TSPAN5: variants seen among roughly 807,000 people sequenced by gnomAD.
TSPAN5 encodes the protein tetraspanin-5.
TSPAN5 carries 10 observed loss-of-function variants against 37.1 expected under a neutral mutation model. The observed-to-expected ratio is 0.27, with a 90% CI of 0.17 to 0.46. The LOEUF is 0.46. Among genes scored for constraint, TSPAN5 ranks in the 20% least tolerant of loss-of-function variants. The pLI is 1.00. For missense variants in TSPAN5, 195 were observed against 326.6 expected (o/e 0.60, Z 3.11); for synonymous variants, 110 against 118.9 (o/e 0.93, Z 0.48).
chr4:98,631,173 G>T (rs1756737215), intron 1 of TSPAN5, among the ~76,000 whole-genome samples: 1 of 152,086 alleles, frequency 6.6e-6, no homozygotes, highest in South Asian at 2.1e-4. Context: ...TTGCTGAATC[G>T]CTCGACTGGC....
At chr4:98,557,353 C>A (rs576077388) in intron 1 of TSPAN5, among the ~76,000 whole-genome samples, 9 of 152,084 alleles carry the variant, frequency 5.9e-5, no homozygotes, top group African/African-American at 1.7e-4. Context: ...GCACTTCTGG[C>A]GTGCTACTAA....
chr4:98,611,949 C>G (rs1171770293), intron 1 of TSPAN5, among the ~76,000 whole-genome samples: 1 of 152,248 alleles, frequency 6.6e-6, no homozygotes, highest in Non-Finnish European at 1.5e-5. Context: ...GCCAGGAGCC[C>G]TTGTGTAGGG....
chr4:98,647,107 A>C (rs1396393532), intron 1 of TSPAN5, among the ~76,000 whole-genome samples: 1 of 152,122 alleles, frequency 6.6e-6, no homozygotes, highest in Non-Finnish European at 1.5e-5. Flanking sequence ...CTGCCCTCCC[A>C]CCACAAGGGT....
At chr4:98,571,094 T>A (rs1755108148) in intron 1 of TSPAN5, among the ~76,000 whole-genome samples, 1 of 152,176 alleles carries the variant, frequency 6.6e-6, no homozygotes, top group African/African-American at 2.4e-5. Context: ...TTCCTCATTC[T>A]AGCAAGTTCT....
intron 1 of TSPAN5, among the ~76,000 whole-genome samples, chr4:98,618,883 CA>C (rs1368088633): frequency 6.6e-6 from 1 of 152,176 alleles, no homozygotes; most frequent in Non-Finnish European, 1.5e-5. Flanking sequence ...AGCTGTAAAG[CA>C]GCTGTGCAGA....
intron 1 of TSPAN5, among the ~76,000 whole-genome samples, chr4:98,565,099 A>G (rs1465506422): frequency 1.3e-5 from 2 of 152,186 alleles, no homozygotes; most frequent in Admixed American, 1.3e-4. Flanking sequence ...CCTACTTCTC[A>G]TGAACCTTGG....
chr4:98,584,033 G>A (rs1755429106), intron 1 of TSPAN5, among the ~76,000 whole-genome samples: 1 of 152,122 alleles, frequency 6.6e-6, no homozygotes, highest in Non-Finnish European at 1.5e-5. Flanking sequence ...AAGGCCAGGG[G>A]ACCCTACTAT....
chr4:98,625,445 G>A (rs1251489043), intron 1 of TSPAN5, among the ~76,000 whole-genome samples: 2 of 152,160 alleles, frequency 1.3e-5, no homozygotes, highest in African/African-American at 4.8e-5. Context: ...GTTAATCAAG[G>A]TAAGACTTAT....
At chr4:98,612,828 C>A (rs542323421) in intron 1 of TSPAN5, among the ~76,000 whole-genome samples, 4 of 152,230 alleles carry the variant, frequency 2.6e-5, no homozygotes, top group South Asian at 2.1e-4. Flanking sequence ...CCTCCCTCCC[C>A]CCACAGGGCT....
chr4:98,615,786 C>T (rs372381385), intron 1 of TSPAN5, among the ~76,000 whole-genome samples: 5 of 152,264 alleles, frequency 3.3e-5, no homozygotes, highest in African/African-American at 1.2e-4. Context: ...GAATTTCAGA[C>T]ATGTTTAGTT....
At chr4:98,657,380 C>G (rs1285870043) in intron 1 of TSPAN5, 2 of 114,070 alleles carry the variant, frequency 1.8e-5, no homozygotes, top group Non-Finnish European at 3.4e-5. Context: ...TACAAAGGTT[C>G]CCCCAAACGG....
At chr4:98,582,401 T>C (rs1463409038) in intron 1 of TSPAN5, among the ~76,000 whole-genome samples, 2 of 152,160 alleles carry the variant, frequency 1.3e-5, no homozygotes, top group African/African-American at 2.4e-5. Context: ...CTGTCTAGGA[T>C]TAAGTTCACA....
intron 1 of TSPAN5, among the ~76,000 whole-genome samples, chr4:98,619,362 G>T (rs1431182471): frequency 2.0e-5 from 3 of 152,152 alleles, no homozygotes; most frequent in Non-Finnish European, 4.4e-5. Flanking sequence ...CTGCTAAACT[G>T]AGATCATGAG....
At position 98,557,978 on chromosome 4, in the gene TSPAN5, G is replaced by A. The variant is rs551614700; in HGVS notation, c.82-50250C>T. 3.9e-5 allele frequency among the ~76,000 whole-genome samples: 6 copies of A among 152,246 alleles called. No homozygotes were observed. In the South Asian group the frequency reaches 1.0e-3, roughly 26 times the overall value. On this transcript the variant is annotated intron_variant, in intron 1 of 7. Coordinates refer to ENST00000305798, the MANE Select transcript of TSPAN5 (RefSeq NM_005723.4). ...AGGTGCCTAAGAAACCATGAACAAC[G>A]TAATGTAGTGCCCAGGGTGAGATCC... is the stretch of plus-strand genomic sequence containing the variant.
chr4:98,604,244 C>A (rs1755951973), intron 1 of TSPAN5, among the ~76,000 whole-genome samples: 1 of 152,158 alleles, frequency 6.6e-6, no homozygotes, highest in Non-Finnish European at 1.5e-5. Flanking sequence ...TCACCAATCA[C>A]CCAGGCTTCA....
chr4:98,541,412 C>T (rs900683765), intron 1 of TSPAN5, among the ~76,000 whole-genome samples: 4 of 152,110 alleles, frequency 2.6e-5, no homozygotes, highest in African/African-American at 4.8e-5. Flanking sequence ...TGGTGGCTCA[C>T]GCCTGTAATT....
At chr4:98,480,324 TC>T (rs989406602) in intron 4 of TSPAN5, among the ~76,000 whole-genome samples, 2 of 152,232 alleles carry the variant, frequency 1.3e-5, no homozygotes, top group African/African-American at 4.8e-5. Context: ...TAACTTTTCA[TC>T]ATATTTGTTT....
chr4:98,645,336 T>G (rs1044985023), intron 1 of TSPAN5, among the ~76,000 whole-genome samples: 1 of 152,208 alleles, frequency 6.6e-6, no homozygotes, highest in South Asian at 2.1e-4. Context: ...TTTACATTCC[T>G]TTTTAAATAT....
At chr4:98,581,744 A>T (rs181682172) in intron 1 of TSPAN5, among the ~76,000 whole-genome samples, 8 of 152,262 alleles carry the variant, frequency 5.3e-5, no homozygotes, top group South Asian at 2.1e-4. Flanking sequence ...TGATTTTTTT[A>T]AAAAAACACC....
Sources: allele counts gnomAD v4.1 joint callset (sites outside exome capture counted in the v4.1 genomes callset), GRCh38; gene constraint gnomAD v4.1.1; transcripts MANE v1.5; gene names NCBI Gene and HGNC (gene_info 2026-07-23, HGNC 2026-07-21).